DIS3L2: variants seen among roughly 807,000 people sequenced by gnomAD.
DIS3L2 encodes DIS3-like exonuclease 2.
A neutral mutation model predicts 97.5 loss-of-function variants in DIS3L2; 34 were observed. That is an observed-to-expected ratio of 0.35 (90% CI 0.27 to 0.46). DIS3L2 has a LOEUF of 0.46. Ranked by LOEUF, DIS3L2 falls within the 20% of genes least tolerant of loss-of-function variation. DIS3L2 has a pLI of 1.00. For missense variants in DIS3L2, 1,038 were observed against 1,146.0 expected (o/e 0.91, Z 1.36); for synonymous variants, 435 against 445.2 (o/e 0.98, Z 0.29).
intron 8 of DIS3L2, among the ~76,000 whole-genome samples, chr2:232,143,104 A>G (rs1286948391): frequency 6.6e-6 from 1 of 152,154 alleles, no homozygotes; most frequent in Non-Finnish European, 1.5e-5. Flanking sequence ...ACTAATCTTG[A>G]CTATTTAATG....
At chr2:232,015,475 T>A in intron 2 of DIS3L2, 39 bp from the exon 3 acceptor site, 1 of 1,600,010 alleles carries the variant, frequency 6.2e-7, no homozygotes, top group Non-Finnish European at 8.5e-7. Context: ...AATACACAGA[T>A]GTTTGAGGAA....
rs185725950 is a variant in DIS3L2, at chr2:232,321,727, C to T, written c.1740-8086C>T. Among the ~76,000 whole-genome samples, 814 of 152,328 alleles carry T rather than the reference C, an allele frequency of 5.3e-3. 10 individuals are homozygous for T. The highest frequency in any genetic ancestry group is 0.018 in the African/African-American group (752 of 41,570). ...GGCAGCCTTATCAGGGAGGCCGTGG[C>T]GCGGGCCTGAGTGCTGCTTCTGCCC... On this transcript the variant is annotated intron_variant, in intron 14 of 20. Transcript: ENST00000325385.
At chr2:232,259,479 G>A (rs1196882919) in intron 12 of DIS3L2, among the ~76,000 whole-genome samples, 2 of 152,084 alleles carry the variant, frequency 1.3e-5, no homozygotes, top group Non-Finnish European at 1.5e-5. Flanking sequence ...GTGAGAAGGA[G>A]CTACAGAGAT....
At chr2:232,197,717 C>T (rs957709747) in intron 9 of DIS3L2, among the ~76,000 whole-genome samples, 5 of 152,018 alleles carry the variant, frequency 3.3e-5, no homozygotes, top group Admixed American at 2.6e-4. Context: ...GCCTGTAATT[C>T]CAGCACTTTG....
intron 3 of DIS3L2, among the ~76,000 whole-genome samples, chr2:232,019,908 A>C (rs1694464806): frequency 6.6e-6 from 1 of 152,096 alleles, no homozygotes; most frequent in African/African-American, 2.4e-5. Context: ...GAGAATAATT[A>C]GAGAGAGCCT....
intron 1 of DIS3L2, among the ~76,000 whole-genome samples, chr2:231,965,005 A>G (rs1328043630): frequency 1.3e-5 from 2 of 152,180 alleles, no homozygotes; most frequent in Admixed American, 1.3e-4. Flanking sequence ...TGGCATTTCG[A>G]AGTTCTTATT....
chr2:232,300,504 G>A (rs1694826618), intron 14 of DIS3L2, among the ~76,000 whole-genome samples: 1 of 152,110 alleles, frequency 6.6e-6, no homozygotes, highest in South Asian at 2.1e-4. Context: ...AGGTTTATGG[G>A]TTTTGTTGTG....
chr2:232,298,555 G>C (rs928470136), intron 13 of DIS3L2, among the ~76,000 whole-genome samples: 1 of 152,102 alleles, frequency 6.6e-6, no homozygotes, highest in Non-Finnish European at 1.5e-5. Context: ...GCTTGTTTCT[G>C]CTTTTGTGTT....
chr2:232,336,643 G>GC lies in DIS3L2; in HGVS notation c.*15dup. 1 of 1,496,868 alleles carries GC rather than the reference G, an allele frequency of 6.7e-7. No homozygotes were observed. Among genetic ancestry groups the GC allele is most frequent in the Non-Finnish European group, 9.0e-7 (1 of 1,114,016 alleles). The allele number at this position is 1,496,868 out of a possible 1,614,324, so 92.7% of individuals were successfully genotyped here. On this transcript the variant is annotated 3_prime_UTR_variant, in exon 21 of 21. Transcript: ENST00000325385. ...AAGCACCAGCTGAGCTCCACCAGCC[G>GC]CCTGCCCCGCCTGCCCCGCCTGCCT...
At chr2:232,120,835 C>T (rs1574890699) in intron 6 of DIS3L2, among the ~76,000 whole-genome samples, 2 of 152,182 alleles carry the variant, frequency 1.3e-5, no homozygotes, top group African/African-American at 4.8e-5. Flanking sequence ...ATGAAGTTGG[C>T]GTTTCTCTGT....
chr2:232,343,557 A>G, exon 14 of DIS3L2: 1 of 1,571,294 alleles, frequency 6.4e-7, no homozygotes, highest in East Asian at 2.4e-5. Context: ...AGGAGCAGAC[A>G]ACCCAGTTGC....
At chr2:231,973,979 C>G (rs1325453718) in intron 1 of DIS3L2, among the ~76,000 whole-genome samples, 1 of 152,132 alleles carries the variant, frequency 6.6e-6, no homozygotes, top group African/African-American at 2.4e-5. Context: ...TTCTGACTTG[C>G]ATTCATCTCT....
intron 6 of DIS3L2, among the ~76,000 whole-genome samples, chr2:232,102,720 A>T (rs750741564): frequency 6.6e-6 from 1 of 152,182 alleles, no homozygotes; most frequent in Non-Finnish European, 1.5e-5. Flanking sequence ...AAAATAAAAC[A>T]TTGGGTGAAA....
chr2:232,061,383 T>C (rs941917562), intron 5 of DIS3L2, among the ~76,000 whole-genome samples: 1 of 152,216 alleles, frequency 6.6e-6, no homozygotes, highest in Non-Finnish European at 1.5e-5. Flanking sequence ...ATTGGAGACT[T>C]AGTCCGTGAA....
intron 6 of DIS3L2, among the ~76,000 whole-genome samples, chr2:232,102,601 T>C (rs1697236898): frequency 6.6e-6 from 1 of 152,202 alleles, no homozygotes. Flanking sequence ...CACACGTGCA[T>C]ATACAAATCA....
At chr2:231,979,929 T>G (rs1326911145) in intron 1 of DIS3L2, among the ~76,000 whole-genome samples, 1 of 152,174 alleles carries the variant, frequency 6.6e-6, no homozygotes, top group Non-Finnish European at 1.5e-5. Flanking sequence ...TAGCCAGGTG[T>G]GCTATTACCA....
chr2:232,036,693 G>T (rs181936904), intron 5 of DIS3L2, among the ~76,000 whole-genome samples: 100 of 152,274 alleles, frequency 6.6e-4, no homozygotes, highest in South Asian at 1.5e-3. Context: ...GTGACCTTTG[G>T]ATGGAGTTTT....
intron 13 of DIS3L2, among the ~76,000 whole-genome samples, chr2:232,287,385 CG>C (rs1559193702): frequency 4.7e-3 from 111 of 23,426 alleles, no homozygotes; most frequent in Non-Finnish European, 7.3e-3. Context: ...TCCTTCCCCC[CG>C]CGCCCCCCCC....
intron 13 of DIS3L2, among the ~76,000 whole-genome samples, chr2:232,290,832 A>C (rs944898324): frequency 6.6e-6 from 1 of 152,130 alleles, no homozygotes; most frequent in Non-Finnish European, 1.5e-5. Flanking sequence ...TCCAACACTA[A>C]TGAATCGGGA....
Sources: gnomAD v4.1 joint callset for allele counts (sites outside exome capture counted in the v4.1 genomes callset) on GRCh38, gnomAD v4.1.1 for gene constraint, MANE v1.5 for transcripts, NCBI Gene and HGNC (gene_info 2026-07-23, HGNC 2026-07-21) for gene names.